Variants in CRIPT observed in about 807,000 individuals in gnomAD.
The protein encoded by CRIPT is cysteine-rich PDZ-binding protein.
A neutral mutation model predicts 16.6 loss-of-function variants in CRIPT; 20 were observed. That is an observed-to-expected ratio of 1.20 (90% CI 0.85 to 1.75). The LOEUF (loss-of-function observed/expected upper bound fraction) is 1.75, where lower values mean the gene tolerates loss of function less well. Ranked by LOEUF, CRIPT falls within the 40% of genes most tolerant of loss-of-function variation. The pLI, the probability that CRIPT is intolerant of heterozygous loss-of-function variation, is 0.00. For missense variants in CRIPT, 133 were observed against 115.3 expected, an observed-to-expected ratio of 1.15 and a Z score of -0.70; for synonymous variants, 42 against 37.0, an observed-to-expected ratio of 1.14 and a Z score of -0.49.
At chr2:46,623,585 G>C (rs1235726682) in intron 3 of CRIPT, among the ~76,000 whole-genome samples, 179 bp from the exon 4 acceptor site, 1 of 152,182 alleles carries the variant, frequency 6.6e-6, no homozygotes, top group Non-Finnish European at 1.5e-5. Context: ...GGATGGAGCA[G>C]AGCAGAGATG....
intron 3 of CRIPT, among the ~76,000 whole-genome samples, chr2:46,620,842 C>T (rs1307134563): frequency 6.6e-6 from 1 of 151,508 alleles, no homozygotes; most frequent in African/African-American, 2.4e-5. Flanking sequence ...TCTAACAGGC[C>T]ACTTCTTTTT....
At chr2:46,620,268 T>G (rs1370122182) in intron 3 of CRIPT, among the ~76,000 whole-genome samples, 4 of 152,018 alleles carry the variant, frequency 2.6e-5, no homozygotes, top group Admixed American at 6.6e-5. Context: ...GGGCAACATG[T>G]GAAACCCTGT....
Position 46,627,515 on chromosome 2 carries a change from C to G in CRIPT, c.*3288C>G, listed in dbSNP as rs1270293567. ...CTGGAGTACAGTGGTACAATCTTGG[C>G]TCACCACAACCTCCACCTCCCAGGC... On this transcript the variant is annotated 3_prime_UTR_variant, in exon 5 of 5. Transcript: ENST00000238892. 1.3e-5 allele frequency among the ~76,000 whole-genome samples: 2 copies of G among 151,642 alleles called. No homozygotes were observed. Among genetic ancestry groups the G allele is most frequent in the Non-Finnish European group, 2.9e-5 (2 of 67,944 alleles).
At chr2:46,617,929 G>C (rs560466752) in intron 1 of CRIPT, among the ~76,000 whole-genome samples, 1 of 151,564 alleles carries the variant, frequency 6.6e-6, no homozygotes, top group Non-Finnish European at 1.5e-5. Context: ...TCTTCACTGA[G>C]GCTTATCCTC....
At chr2:46,624,075 G>A (rs1222725215) in intron 4 of CRIPT, 88 bp from the exon 5 acceptor site, 1 of 734,360 alleles carries the variant, frequency 1.4e-6, no homozygotes, top group African/African-American at 1.9e-5. Context: ...TCCTGATGCT[G>A]TTAAATTATG....
chr2:46,625,532 T>C lies in CRIPT; in HGVS notation c.*1305T>C, dbSNP rs1670918486. 6.6e-6 allele frequency: 1 copy of C among 152,054 alleles called. No homozygotes were observed. Among genetic ancestry groups the C allele is most frequent in the Admixed American group, 6.6e-5 (1 of 15,250 alleles). The allele number at this position is 152,054 out of a possible 1,614,324, so 9.4% of individuals were successfully genotyped here. A position where few individuals can be genotyped will look rare whatever the true frequency, so the allele number is the denominator to read the frequency against. ...TCCCTATTTCCAACTGCAGTATGTA[T>C]AAATACATATCACTACAAAATGTAT... On this transcript the variant is annotated 3_prime_UTR_variant, in exon 5 of 5. Coordinates refer to ENST00000238892, the MANE Select transcript of CRIPT (RefSeq NM_014171.6).
At chr2:46,620,881 A>G (rs942352674) in intron 3 of CRIPT, among the ~76,000 whole-genome samples, 1 of 151,420 alleles carries the variant, frequency 6.6e-6, no homozygotes, top group South Asian at 2.1e-4. Flanking sequence ...TAGTAGCACC[A>G]CTCTCTAATC....
Position 46,622,643 on chromosome 2 carries a change from A to G in CRIPT, c.138-1121A>G, listed in dbSNP as rs556450234. ...AGCCTGACCAACATGGAGAAACCCC[A>G]TCTCTACTAAAAATACAAAATTAGC... On this transcript the variant is annotated intron_variant, in intron 3 of 4. Transcript: ENST00000238892. 7.9e-5 allele frequency among the ~76,000 whole-genome samples: 12 copies of G among 151,288 alleles called. No individual in the cohort carries two copies. The East Asian group carries it at 2.2e-3, about 28-fold the overall frequency.
Position 46,617,307 on chromosome 2 carries a change from AG to A in CRIPT, c.16+13del. ...GATGGTGTGCGAAAAATGTGAGTTAAGGGGCCGCTTCTGCGGGAGGAGGAGG... is the reference window on the plus strand; with the variant it reads ...GATGGTGTGCGAAAAATGTGAGTTAAGGGCCGCTTCTGCGGGAGGAGGAGG... On this transcript the variant is annotated intron_variant, in intron 1 of 4. Transcript: ENST00000238892. The A allele has an allele frequency of 1.3e-6, 2 of 1,554,688 alleles. No individual in the cohort carries two copies. Among genetic ancestry groups the A allele is most frequent in the South Asian group, 2.4e-5 (2 of 84,386 alleles).
In CRIPT at chr2:46,625,927, G is replaced by T. The variant is rs748623279; in HGVS notation, c.*1700G>T. On this transcript the variant is annotated 3_prime_UTR_variant, in exon 5 of 5. Coordinates refer to ENST00000238892, the MANE Select transcript of CRIPT (RefSeq NM_014171.6). ...GCCTAACTCACATTTCATTTTTTTT[G>T]TTGTTGTTGTTGTTTTTATAATTTC... Among the ~76,000 whole-genome samples, 86 of 151,446 alleles carry T rather than the reference G, an allele frequency of 5.7e-4. No individual in the cohort carries two copies. The highest frequency in any genetic ancestry group is 1.1e-3 in the Admixed American group (17 of 15,234).
chr2:46,628,977 G>T lies in CRIPT; in HGVS notation c.*4750G>T, dbSNP rs1671009659. The stretch of plus-strand genomic sequence containing the variant: ...AAATGTAAAAGTGATGAAAGAATCT[G>T]TTAAGATATCAGATTGTAATATAAA... On this transcript the variant is annotated 3_prime_UTR_variant, in exon 5 of 5. Transcript: ENST00000238892. Among the ~76,000 whole-genome samples, 1 of 152,180 alleles carries T rather than the reference G, an allele frequency of 6.6e-6. No homozygotes were observed. Among genetic ancestry groups the T allele is most frequent in the South Asian group, 2.1e-4 (1 of 4,834 alleles).
At position 46,628,769 on chromosome 2, in the gene CRIPT, TGA is replaced by T. The variant is rs1671004440; in HGVS notation, c.*4544_*4545del. 6.6e-6 allele frequency among the ~76,000 whole-genome samples: 1 copy of T among 152,020 alleles called. No individual in the cohort carries two copies. Among genetic ancestry groups the T allele is most frequent in the South Asian group, 2.1e-4 (1 of 4,824 alleles). ...AAATTGAATAGAAGTATTTACTAGATGAGGAGGAAAACCCTAAAACAAAACAT... is the reference window on the plus strand; with the variant it reads ...AAATTGAATAGAAGTATTTACTAGATGGAGGAAAACCCTAAAACAAAACAT... On this transcript the variant is annotated 3_prime_UTR_variant, in exon 5 of 5. Coordinates refer to ENST00000238892, the MANE Select transcript of CRIPT (RefSeq NM_014171.6).
chr2:46,626,548 A>C lies in CRIPT; in HGVS notation c.*2321A>C, dbSNP rs913239937. 6.6e-6 allele frequency among the ~76,000 whole-genome samples: 1 copy of C among 152,212 alleles called. No homozygotes were observed. The highest frequency in any genetic ancestry group is 1.9e-4 in the East Asian group (1 of 5,194). ...AGTGGCTGAACTAATTTGCATTTCCATCAGTGTAGGCGCATTCTACACTGC... is the reference window on the plus strand; with the variant it reads ...AGTGGCTGAACTAATTTGCATTTCCCTCAGTGTAGGCGCATTCTACACTGC... On this transcript the variant is annotated 3_prime_UTR_variant, in exon 5 of 5. Coordinates refer to ENST00000238892, the MANE Select transcript of CRIPT (RefSeq NM_014171.6).
chr2:46,623,938 A>G (rs1193631061), intron 4 of CRIPT, 71 bp downstream of exon 4: 7 of 1,110,582 alleles, frequency 6.3e-6, no homozygotes, highest in East Asian at 2.5e-5. Context: ...GTTAACAGAA[A>G]AGATGTAGCC....
chr2:46,622,224 G>T (rs1321483318), intron 3 of CRIPT, among the ~76,000 whole-genome samples: 1 of 151,974 alleles, frequency 6.6e-6, no homozygotes, highest in Non-Finnish European at 1.5e-5. Context: ...AAAAAAATTA[G>T]CCGGGCGTGG....
In CRIPT at chr2:46,623,946, G is replaced by C. The variant is rs1670872610; in HGVS notation, c.241+79G>C. On this transcript the variant is annotated intron_variant, in intron 4 of 4. Transcript: ENST00000238892. ...TAATTTGGTTAACAGAAAAGATGTAGCCTGTCATAAATTCTGTTAGCCAAA... is the reference window on the plus strand; with the variant it reads ...TAATTTGGTTAACAGAAAAGATGTACCCTGTCATAAATTCTGTTAGCCAAA... 3.9e-6 allele frequency: 4 copies of C among 1,017,152 alleles called. No homozygotes were observed. In the South Asian group the frequency reaches 4.9e-5, roughly 12 times the overall value. The allele number at this position is 1,017,152 out of a possible 1,614,324, so 63.0% of individuals were successfully genotyped here.
intron 3 of CRIPT, among the ~76,000 whole-genome samples, chr2:46,621,654 C>G (rs1244423493): frequency 2.6e-5 from 4 of 152,174 alleles, no homozygotes; most frequent in Admixed American, 1.3e-4. Flanking sequence ...GTATTTAGAA[C>G]AGTAAATACC....
chr2:46,618,881 C>A (rs1183464972), intron 2 of CRIPT, 43 bp downstream of exon 2: 4 of 1,173,828 alleles, frequency 3.4e-6, no homozygotes, highest in Non-Finnish European at 5.0e-6. Context: ...CGAATACTTA[C>A]TGTGAATAAT....
chr2:46,621,515 C>G (rs1161310810), intron 3 of CRIPT, among the ~76,000 whole-genome samples: 1 of 152,166 alleles, frequency 6.6e-6, no homozygotes, highest in Non-Finnish European at 1.5e-5. Flanking sequence ...AGAATTTTCT[C>G]TATAATACTA....
Sources: gnomAD v4.1 joint callset for allele counts (sites outside exome capture counted in the v4.1 genomes callset) on GRCh38, gnomAD v4.1.1 for gene constraint, MANE v1.5 for transcripts, NCBI Gene and HGNC (gene_info 2026-07-23, HGNC 2026-07-21) for gene names.